The following IL23R variants were observed in gnomAD, a reference collection of about 807,000 sequenced individuals.
The protein encoded by IL23R is interleukin 23 receptor.
In IL23R, 34 loss-of-function variants were observed where a neutral mutation model predicts 56.9. That is an observed-to-expected ratio of 0.60 (90% CI 0.45 to 0.80). IL23R has a LOEUF of 0.80. Ranked by LOEUF, IL23R falls within the 30% of genes least tolerant of loss-of-function variation. The probability of loss-of-function intolerance (pLI) is 0.00; values close to 1 mark genes in which losing one functional copy is unlikely to be tolerated. For missense variants in IL23R, 635 were observed against 730.0 expected, an observed-to-expected ratio of 0.87 and a Z score of 1.50; for synonymous variants, 230 against 249.2, an observed-to-expected ratio of 0.92 and a Z score of 0.73.
intron 4 of IL23R, among the ~76,000 whole-genome samples, chr1:67,191,161 G>A (rs1422519719): frequency 1.3e-5 from 2 of 152,020 alleles, no homozygotes; most frequent in African/African-American, 4.8e-5. Context: ...CATTTCACTA[G>A]CCAAGTCACT....
At chr1:67,230,869 T>C (rs1030643257) in intron 7 of IL23R, among the ~76,000 whole-genome samples, 4 of 152,206 alleles carry the variant, frequency 2.6e-5, no homozygotes, top group Non-Finnish European at 5.9e-5. Context: ...GGCCCGATAA[T>C]GTTGAATTCT....
chr1:67,170,157 T>A (rs965178969), intron 3 of IL23R, among the ~76,000 whole-genome samples: 1 of 152,194 alleles, frequency 6.6e-6, no homozygotes, highest in African/African-American at 2.4e-5. Context: ...TACTGCTAGG[T>A]TTGTGACCTT....
intron 7 of IL23R, among the ~76,000 whole-genome samples, chr1:67,221,943 G>A (rs938123429): frequency 1.3e-5 from 2 of 152,044 alleles, no homozygotes; most frequent in Non-Finnish European, 1.5e-5. Flanking sequence ...ATGGAGGCAG[G>A]TGGATTGCTT....
At chr1:67,229,375 A>C (rs1489313553) in intron 7 of IL23R, among the ~76,000 whole-genome samples, 1 of 152,206 alleles carries the variant, frequency 6.6e-6, no homozygotes, top group Non-Finnish European at 1.5e-5. Flanking sequence ...GGGGAGGGGC[A>C]TGGAGCTTCC....
intron 7 of IL23R, among the ~76,000 whole-genome samples, chr1:67,222,102 C>CTTTCTTTTTTTTTTTTTTTTTTT (rs1440089182): frequency 1.0e-4 from 6 of 58,900 alleles, no homozygotes; most frequent in African/African-American, 3.8e-4. Context: ...TTCTTTCTTT[C>CTTTCTTTTTTTTTTTTTTTTTTT]TTTTTTTTTT....
intron 1 of IL23R, among the ~76,000 whole-genome samples, chr1:67,150,652 T>TAAAAA (rs3052338): frequency 6.3e-5 from 6 of 95,872 alleles, no homozygotes; most frequent in Non-Finnish European, 8.5e-5. Flanking sequence ...GAACTTAAAG[T>TAAAAA]AAAAAAAAAA....
At chr1:67,187,015 A>T (rs906915155) in intron 4 of IL23R, among the ~76,000 whole-genome samples, 1 of 151,856 alleles carries the variant, frequency 6.6e-6, no homozygotes, top group African/African-American at 2.4e-5. Context: ...TCCACTTTTC[A>T]GCTATTATGA....
Position 67,258,569 on chromosome 1 carries a change from A to C in IL23R, c.1331A>C (p.Glu444Ala). ...GAGATAAAAGAAATCTTCATCCCAGAACACAAGCCTACAGACTACAAGAAG... is the reference window on the plus strand; with the variant it reads ...GAGATAAAAGAAATCTTCATCCCAGCACACAAGCCTACAGACTACAAGAAG... ...ITEIKEIFIP[E>A]HKPTDYKKEN... The change falls in exon 11 of 11, where the codon GAA (glutamate) becomes GCA (alanine). Residue 444 changes from glutamate (E) to alanine (A), a missense_variant. Glu to Ala is a moderately radical substitution (Grantham distance 107, BLOSUM62 -1). Transcript: ENST00000347310. 6.2e-7 allele frequency: 1 copy of C among 1,612,040 alleles called. No individual in the cohort carries two copies.
intron 1 of IL23R, among the ~76,000 whole-genome samples, chr1:67,146,753 G>A (rs1362292288): frequency 6.6e-6 from 1 of 152,192 alleles, no homozygotes; most frequent in African/African-American, 2.4e-5. Flanking sequence ...CCGAAACCAA[G>A]ATGTTCAACA....
chr1:67,185,841 G>A (rs1373341379), intron 4 of IL23R, among the ~76,000 whole-genome samples: 1 of 152,210 alleles, frequency 6.6e-6, no homozygotes, highest in African/African-American at 2.4e-5. Context: ...TATCAGGGAT[G>A]GGTGGAATTG....
chr1:67,247,584 A>G (rs1354520952), intron 9 of IL23R, among the ~76,000 whole-genome samples: 4 of 152,134 alleles, frequency 2.6e-5, no homozygotes, highest in Non-Finnish European at 2.9e-5. Context: ...GATTACAGGC[A>G]TGAGCCACCG....
In IL23R at chr1:67,259,059, T is replaced by C. The variant is rs1211875196; in HGVS notation, c.1821T>C (p.Ser607=). Residue 607 remains serine, a synonymous_variant, in exon 11 of 11, where the codon TCT becomes TCC. Coordinates refer to ENST00000347310, the MANE Select transcript of IL23R (RefSeq NM_144701.3). ...CLGIVNEELP[S]INTYFPQNIL... ...GGATCGTGAATGAGGAGTTGCCATC[T>C]ATTAATACTTATTTTCCACAAAATA... The C allele has an allele frequency of 6.2e-7, 1 of 1,613,966 alleles. No individual in the cohort carries two copies. Among genetic ancestry groups the C allele is most frequent in the East Asian group, 2.2e-5 (1 of 44,868 alleles).
chr1:67,206,716 T>G (rs935478974), intron 5 of IL23R, among the ~76,000 whole-genome samples, 194 bp from the exon 6 acceptor site: 1 of 151,924 alleles, frequency 6.6e-6, no homozygotes. Flanking sequence ...TGAATAGAAT[T>G]TTCCTTAACA....
chr1:67,140,517 T>C (rs1205274774), intron 1 of IL23R, among the ~76,000 whole-genome samples: 1 of 152,220 alleles, frequency 6.6e-6, no homozygotes, highest in Non-Finnish European at 1.5e-5. Context: ...TATAATCTTT[T>C]TCTTATCATC....
intron 6 of IL23R, among the ~76,000 whole-genome samples, chr1:67,211,483 C>A (rs767169698): frequency 6.6e-6 from 1 of 151,994 alleles, no homozygotes; most frequent in African/African-American, 2.4e-5. Context: ...TTTAGCCAAG[C>A]CTGGTGGTGT....
chr1:67,216,266 A>AT (rs1194265970), intron 6 of IL23R, among the ~76,000 whole-genome samples: 3 of 152,166 alleles, frequency 2.0e-5, no homozygotes, highest in Admixed American at 2.0e-4. Context: ...TGCCATGATC[A>AT]TTTTTTGCAT....
At chr1:67,234,987 C>A (rs1051735556) in intron 7 of IL23R, among the ~76,000 whole-genome samples, 1 of 152,016 alleles carries the variant, frequency 6.6e-6, no homozygotes, top group Non-Finnish European at 1.5e-5. Context: ...TGAGCCACTG[C>A]AACTGGCCAG....
chr1:67,181,468 T>C (rs944271411), intron 3 of IL23R, among the ~76,000 whole-genome samples: 4 of 152,228 alleles, frequency 2.6e-5, no homozygotes, highest in African/African-American at 7.2e-5. Context: ...TCTCGTGCCA[T>C]GGTTTTCAGC....
At chr1:67,255,403 G>A (rs1012314270) in intron 9 of IL23R, among the ~76,000 whole-genome samples, 1 of 152,072 alleles carries the variant, frequency 6.6e-6, no homozygotes, top group African/African-American at 2.4e-5. Flanking sequence ...AGTAAGAGAT[G>A]AAAACTTTAG....
Sources: gnomAD v4.1 joint callset for allele counts (sites outside exome capture counted in the v4.1 genomes callset) on GRCh38, gnomAD v4.1.1 for gene constraint, MANE v1.5 for transcripts, NCBI Gene and HGNC (gene_info 2026-07-23, HGNC 2026-07-21) for gene names.